GLYR1: variants seen among roughly 807,000 people sequenced by gnomAD.
The protein encoded by GLYR1 is glyoxylate reductase 1 homolog.
Under a neutral mutation model 72.7 loss-of-function variants are expected in GLYR1, and 21 were observed. The observed-to-expected ratio is 0.29, with a 90% CI of 0.20 to 0.42. The LOEUF is 0.42. Ranked by LOEUF, GLYR1 falls within the 10% of genes least tolerant of loss-of-function variation. The pLI, the probability that GLYR1 is intolerant of heterozygous loss-of-function variation, is 1.00. For synonymous variants in GLYR1, 392 were observed against 270.2 expected (o/e 1.45, Z -4.42); for missense variants, 594 against 712.1 (o/e 0.83, Z 1.89).
chr16:4,805,377 T>C, intron 15 of GLYR1, 67 bp from the exon 16 acceptor site: 1 of 1,349,884 alleles, frequency 7.4e-7, no homozygotes, highest in African/African-American at 1.4e-5. Flanking sequence ...ACCTGATTCC[T>C]GGAGGCAGTG....
chr16:4,805,659 G>T (rs1303879324), intron 15 of GLYR1, among the ~76,000 whole-genome samples: 3 of 152,162 alleles, frequency 2.0e-5, no homozygotes, highest in African/African-American at 7.2e-5. Context: ...AGGCCAAAAA[G>T]GTGAAACCTC....
At chr16:4,841,876 A>C (rs142317899) in intron 3 of GLYR1, among the ~76,000 whole-genome samples, 46 of 152,308 alleles carry the variant, frequency 3.0e-4, no homozygotes, top group African/African-American at 9.6e-4. Flanking sequence ...TGTTCATGGT[A>C]TCCCCACTGT....
At position 4,823,905 on chromosome 16, in the gene GLYR1, ATCC is replaced by A. The variant is rs1663329713; in HGVS notation, c.538-1_539del. The A allele has an allele frequency of 1.2e-6, 2 of 1,613,532 alleles. No homozygotes were observed. The highest frequency in any genetic ancestry group is 8.5e-7 in the Non-Finnish European group (1 of 1,179,646). On this transcript the variant is annotated splice_acceptor_variant and coding_sequence_variant, in exon 6 of 16. Transcript: ENST00000321919. LOFTEE classifies it high-confidence loss of function. ...CGGTACTAGACTCCGGGATGGTGAGATCCTATAGAGGGAGGGGCAGGGCATTTT... is the reference window on the plus strand; with the variant it reads ...CGGTACTAGACTCCGGGATGGTGAGATATAGAGGGAGGGGCAGGGCATTTT...
At chr16:4,807,763 A>C (rs1410547751) in intron 15 of GLYR1, among the ~76,000 whole-genome samples, 1 of 152,254 alleles carries the variant, frequency 6.6e-6, no homozygotes, top group Non-Finnish European at 1.5e-5. Context: ...TTGGGAAATA[A>C]CTATAGTCAG....
chr16:4,813,689 G>A, intron 12 of GLYR1, 48 bp downstream of exon 12: 6 of 1,478,996 alleles, frequency 4.1e-6, no homozygotes, highest in Non-Finnish European at 4.6e-6. Context: ...TGGGTCTTGG[G>A]CTCTGATAGA....
chr16:4,833,598 A>G (rs1699771750), intron 3 of GLYR1, among the ~76,000 whole-genome samples: 1 of 152,070 alleles, frequency 6.6e-6, no homozygotes, highest in Non-Finnish European at 1.5e-5. Flanking sequence ...GCAGTTACAA[A>G]AGGAGGCATT....
intron 5 of GLYR1, among the ~76,000 whole-genome samples, chr16:4,829,816 G>A (rs994903630): frequency 6.6e-6 from 1 of 152,144 alleles, no homozygotes; most frequent in Non-Finnish European, 1.5e-5. Flanking sequence ...GGAATTACAG[G>A]AGCGTGCCAC....
In GLYR1 at chr16:4,805,025, C is replaced by A; in HGVS notation, c.*211G>T. The A allele has an allele frequency of 1.7e-6, 1 of 594,114 alleles. No homozygotes were observed. The highest frequency in any genetic ancestry group is 3.0e-6 in the Non-Finnish European group (1 of 330,904). 36.8% of individuals were successfully genotyped at this position (594,114 alleles called of 1,614,324 possible). A position where few individuals can be genotyped will look rare whatever the true frequency, so the allele number is the denominator to read the frequency against. On this transcript the variant is annotated 3_prime_UTR_variant, in exon 16 of 16. Coordinates refer to ENST00000321919, the MANE Select transcript of GLYR1 (RefSeq NM_032569.4). The stretch of plus-strand genomic sequence containing the variant: ...AGTGCCCAGCTCAAGAGCTTTCCCA[C>A]ACGCCAATCCTGCTGACACTTGTCC...
rs1390868579 is a variant in GLYR1 at position 4,804,989 on chromosome 16, T to TC, written c.*246dup. 2.5e-5 allele frequency: 11 copies of TC among 448,966 alleles called. No homozygotes were observed. The highest frequency in any genetic ancestry group is 4.6e-5 in the Non-Finnish European group (11 of 237,944). The allele number at this position is 448,966 out of a possible 1,614,324, so 27.8% of individuals were successfully genotyped here. On this transcript the variant is annotated 3_prime_UTR_variant, in exon 16 of 16. Coordinates refer to ENST00000321919, the MANE Select transcript of GLYR1 (RefSeq NM_032569.4). Reference sequence around the variant, plus strand: ...TGTGTGTGAACACACAGCCACCTCGTCCGGGGGGCCAGTGCCCAGCTCAAG... The same window carrying TC: ...TGTGTGTGAACACACAGCCACCTCGTCCCGGGGGGCCAGTGCCCAGCTCAAG...
At chr16:4,821,234 G>C in intron 9 of GLYR1, 146 bp downstream of exon 9, 1 of 773,496 alleles carries the variant, frequency 1.3e-6, no homozygotes, top group Non-Finnish European at 2.2e-6. Flanking sequence ...TGTCTTTATC[G>C]ATAAGAGTTA....
In GLYR1 at chr16:4,846,162, C is replaced by G; in HGVS notation, c.75+12G>C. On this transcript the variant is annotated intron_variant, in intron 2 of 15. Transcript: ENST00000321919. ...AACTTCAGATCTCTTCCTTTAGTAG[C>G]AAGACACTCACCTTTCCTGGCCAAG... 1 of 1,613,756 alleles carries G rather than the reference C, an allele frequency of 6.2e-7. No homozygotes were observed. Among genetic ancestry groups the G allele is most frequent in the Non-Finnish European group, 8.5e-7 (1 of 1,179,730 alleles).
chr16:4,821,768 C>A (rs2084040927), intron 7 of GLYR1, 171 bp from the exon 8 acceptor site: 2 of 642,614 alleles, frequency 3.1e-6, no homozygotes, highest in African/African-American at 3.6e-5. Flanking sequence ...TTACCTCATT[C>A]AAGTCCCCAT....
chr16:4,817,859 A>G, intron 9 of GLYR1, 162 bp from the exon 10 acceptor site: 2 of 615,990 alleles, frequency 3.2e-6, no homozygotes, highest in Non-Finnish European at 5.8e-6. Context: ...CAGGGGCGTC[A>G]TGCACATGGG....
In GLYR1 at chr16:4,847,280, A is replaced by G. The variant is rs1488338379; in HGVS notation, c.-15T>C. On this transcript the variant is annotated 5_prime_UTR_variant, in exon 1 of 16. Transcript: ENST00000321919. ...ACAGCCGCCATCTTACCACCCAACC[A>G]CCGCCGACGCACGGGCCGCCGGGAA... The G allele has an allele frequency of 4.4e-6, 7 of 1,606,588 alleles. No individual in the cohort carries two copies. Among genetic ancestry groups the G allele is most frequent in the Non-Finnish European group, 4.2e-6 (5 of 1,177,822 alleles).
intron 5 of GLYR1, 33 bp from the exon 6 acceptor site, chr16:4,823,940 A>C (rs1419289000): frequency 3.8e-6 from 6 of 1,561,442 alleles, no homozygotes; most frequent in Non-Finnish European, 5.3e-6. Context: ...TTTTAAAATC[A>C]CATTCAAACC....
At chr16:4,847,073 C>T (rs1410022119) in intron 1 of GLYR1, 155 bp downstream of exon 1, 11 of 703,882 alleles carry the variant, frequency 1.6e-5, no homozygotes, top group Admixed American at 2.5e-5. Flanking sequence ...ACTGCCCCTT[C>T]CGCCTGGCGC....
intron 3 of GLYR1, among the ~76,000 whole-genome samples, chr16:4,836,297 A>C (rs929221878): frequency 1.3e-5 from 2 of 152,234 alleles, no homozygotes; most frequent in African/African-American, 4.8e-5. Flanking sequence ...ACAATGCTCC[A>C]GTGCGTAAGG....
chr16:4,808,147 A>G (rs2083106489), intron 15 of GLYR1, among the ~76,000 whole-genome samples: 1 of 151,644 alleles, frequency 6.6e-6, no homozygotes, highest in South Asian at 2.1e-4. Flanking sequence ...GAGGCAGGAG[A>G]ATCACTTTAA....
chr16:4,817,240 C>G (rs957816180), intron 10 of GLYR1, among the ~76,000 whole-genome samples: 1 of 151,846 alleles, frequency 6.6e-6, no homozygotes, highest in Admixed American at 6.6e-5. Context: ...CTGCCTCAGC[C>G]TCTGGAGCAG....
Sources: allele counts gnomAD v4.1 joint callset (sites outside exome capture counted in the v4.1 genomes callset), GRCh38; gene constraint gnomAD v4.1.1; transcripts MANE v1.5; gene names NCBI Gene and HGNC (gene_info 2026-07-23, HGNC 2026-07-21).